Variants in PCDHB4 observed in about 807,000 individuals in gnomAD.
PCDHB4 encodes protocadherin beta-4.
For missense variants in PCDHB4, 1,063 were observed against 1,007.0 expected (o/e 1.06, Z -0.75); for synonymous variants, 482 against 447.3 (o/e 1.08, Z -0.98).
At position 141,122,768 on chromosome 5, in the gene PCDHB4, A is replaced by C; in HGVS notation, c.770A>C (p.Asp257Ala). ...CAGGTCCTGGAAAACAGCCCCCTAG[A>C]CTCTCCAATTGTTAGGGTCTTAGCT... ...GVQVLENSPL[D>A]SPIVRVLARD... The change falls in exon 1 of 1, where the codon GAC becomes GCC. Residue 257 changes from aspartate (D) to alanine (A), a missense_variant. By Grantham distance (126) the Asp-to-Ala change is moderately radical (BLOSUM62 -2). Transcript: ENST00000194152. 6.2e-7 allele frequency: 1 copy of C among 1,613,974 alleles called. No homozygotes were observed. The highest frequency in any genetic ancestry group is 8.5e-7 in the Non-Finnish European group (1 of 1,179,992).
chr5:141,121,878 A>G lies in PCDHB4; in HGVS notation c.-121A>G, dbSNP rs782476319. 1 of 689,870 alleles carries G rather than the reference A, an allele frequency of 1.4e-6. No homozygotes were observed. Among genetic ancestry groups the G allele is most frequent in the Non-Finnish European group, 2.4e-6 (1 of 410,718 alleles). 42.7% of individuals were successfully genotyped at this position (689,870 alleles called of 1,614,324 possible). A position where few individuals can be genotyped will look rare whatever the true frequency, so the allele number is the denominator to read the frequency against. The stretch of plus-strand genomic sequence containing the variant: ...CAACGGCTTGGGGCAGCGATATACT[A>G]AACAAATTTAATATTAAAAGCAACT... On this transcript the variant is annotated 5_prime_UTR_variant, in exon 1 of 1. Coordinates refer to ENST00000194152, the MANE Select transcript of PCDHB4 (RefSeq NM_018938.4).
At position 141,124,035 on chromosome 5, in the gene PCDHB4, G is replaced by A. The variant is rs782347727; in HGVS notation, c.2037G>A (p.Gln679=). ...CTCTCCCTGAGGCGGCCCCGGCCCA[G>A]GCCCAGGCCGACTCTCTCACCGTCT... The part of the protein sequence containing the change: ...YLPLPEAAPA[Q]AQADSLTVYL... Residue 679 remains glutamine (Q), a synonymous_variant, in exon 1 of 1, where the codon CAG becomes CAA. Transcript: ENST00000194152. The A allele has an allele frequency of 1.6e-5, 26 of 1,606,092 alleles. No homozygotes were observed. Among genetic ancestry groups the A allele is most frequent in the African/African-American group, 1.3e-4 (10 of 74,884 alleles).
chr5:141,125,233 G>C lies in PCDHB4; in HGVS notation c.*847G>C, dbSNP rs1392978683. ...ATTTCTCCCCAAAATCAAGACTCTTGAGAGCATCATAGGTCTCCTTGTGCT... is the reference window on the plus strand; with the variant it reads ...ATTTCTCCCCAAAATCAAGACTCTTCAGAGCATCATAGGTCTCCTTGTGCT... On this transcript the variant is annotated 3_prime_UTR_variant, in exon 1 of 1. Coordinates refer to ENST00000194152, the MANE Select transcript of PCDHB4 (RefSeq NM_018938.4). 6.6e-6 allele frequency: 1 copy of C among 151,956 alleles called. No individual in the cohort carries two copies. Among genetic ancestry groups the C allele is most frequent in the Non-Finnish European group, 1.5e-5 (1 of 67,986 alleles). 9.4% of individuals were successfully genotyped at this position (151,956 alleles called of 1,614,324 possible).
At position 141,121,907 on chromosome 5, in the gene PCDHB4, TGAC is replaced by T; in HGVS notation, c.-89_-87del. The T allele has an allele frequency of 2.3e-6, 2 of 885,732 alleles. No individual in the cohort carries two copies. The highest frequency in any genetic ancestry group is 3.5e-6 in the Non-Finnish European group (2 of 576,152). The allele number at this position is 885,732 out of a possible 1,614,324, so 54.9% of individuals were successfully genotyped here. On this transcript the variant is annotated 5_prime_UTR_variant, in exon 1 of 1. Transcript: ENST00000194152. ...AAATTTAATATTAAAAGCAACTGTG[TGAC>T]GATTCCTCCAAGCAAGAAATTGGAA...
chr5:141,123,456 C>T lies in PCDHB4; in HGVS notation c.1458C>T (p.Thr486=). ...DRDSGTNAQV[T]YSLLPPQDPH... is the part of the protein sequence containing the mutation. The stretch of plus-strand genomic sequence containing the variant: ...ACTCGGGCACCAACGCCCAGGTCAC[C>T]TACTCGCTGCTGCCGCCCCAGGACC... Residue 486 remains threonine, a synonymous_variant, in exon 1 of 1, where the codon ACC becomes ACT. Transcript: ENST00000194152. 6.2e-7 allele frequency: 1 copy of T among 1,613,044 alleles called. No individual in the cohort carries two copies.
rs142122458 is a variant in PCDHB4, at chr5:141,122,674, A to G, written c.676A>G (p.Met226Val). 26 of 1,614,214 alleles carry G rather than the reference A, an allele frequency of 1.6e-5. No homozygotes were observed. The highest frequency in any genetic ancestry group is 2.1e-5 in the Non-Finnish European group (25 of 1,180,034). Residue 226 changes from methionine (M) to valine (V), a missense_variant, in exon 1 of 1, where the codon ATG (methionine) becomes GTG (valine). By Grantham distance (21) the Met-to-Val change is conservative. Transcript: ENST00000194152. The stretch of plus-strand genomic sequence containing the variant: ...GTCACCACCTAGGTCTGGCACGGTC[A>G]TGGTTCGAATCCTGATCATGGACAT... The part of the protein sequence containing the change: ...GGSPPRSGTV[M>V]VRILIMDIND...
At position 141,123,028 on chromosome 5, in the gene PCDHB4, C is replaced by G; in HGVS notation, c.1030C>G (p.Pro344Ala). Residue 344 changes from proline to alanine, a missense_variant, in exon 1 of 1, where the codon CCA (proline) becomes GCA (alanine). Physicochemically the swap from Pro to Ala is conservative, Grantham distance 27. Coordinates refer to ENST00000194152, the MANE Select transcript of PCDHB4 (RefSeq NM_018938.4). ...IEVVDVNDNP[P>A]ELIISSLTSS... ...GGTGGTGGATGTGAATGACAATCCCCCAGAACTTATCATATCTTCACTCAC... is the reference window on the plus strand; with the variant it reads ...GGTGGTGGATGTGAATGACAATCCCGCAGAACTTATCATATCTTCACTCAC... 6.2e-7 allele frequency: 1 copy of G among 1,614,008 alleles called. No homozygotes were observed. The highest frequency in any genetic ancestry group is 8.5e-7 in the Non-Finnish European group (1 of 1,179,992).
rs782220155 is a variant in PCDHB4 at position 141,122,068 on chromosome 5, C to T, written c.70C>T (p.Gln24Ter). 11 of 1,613,806 alleles carry T rather than the reference C, an allele frequency of 6.8e-6. No homozygotes were observed. The South Asian group carries it at 1.2e-4, about 18-fold the overall frequency. Reference protein sequence around the residue: ...LAFILMVFLSQVRLEPIRYSV... With the variant: ...LAFILMVFLS Reference sequence around the variant, plus strand: ...CTTTATTTTGATGGTGTTCTTGTCTCAGGTTCGCCTCGAGCCTATTCGTTA... The same window carrying T: ...CTTTATTTTGATGGTGTTCTTGTCTTAGGTTCGCCTCGAGCCTATTCGTTA... Residue 24 changes from glutamine (Q) to a stop codon, truncating the protein, a stop_gained, in exon 1 of 1, where the codon CAG becomes TAG. Transcript: ENST00000194152. LOFTEE classifies it low-confidence loss of function (END_TRUNC).
chr5:141,121,953 C>T lies in PCDHB4; in HGVS notation c.-46C>T, dbSNP rs1588315498. 1 of 1,325,774 alleles carries T rather than the reference C, an allele frequency of 7.5e-7. No homozygotes were observed. Among genetic ancestry groups the T allele is most frequent in the Non-Finnish European group, 1.0e-6 (1 of 961,076 alleles). 82.1% of individuals were successfully genotyped at this position (1,325,774 alleles called of 1,614,324 possible). A position where few individuals can be genotyped will look rare whatever the true frequency, so the allele number is the denominator to read the frequency against. On this transcript the variant is annotated 5_prime_UTR_variant, in exon 1 of 1. Coordinates refer to ENST00000194152, the MANE Select transcript of PCDHB4 (RefSeq NM_018938.4). ...AATTGGAATTGAATGTCTCAAGTCT[C>T]GTTGCGGTTGCTGAGGGGATTGGAT...
At position 141,122,077 on chromosome 5, in the gene PCDHB4, C is replaced by A; in HGVS notation, c.79C>A (p.Leu27Ile). Residue 27 changes from leucine to isoleucine, a missense_variant, in exon 1 of 1, where the codon CTC becomes ATC. By Grantham distance (5) the Leu-to-Ile change is conservative (BLOSUM62 2). Coordinates refer to ENST00000194152, the MANE Select transcript of PCDHB4 (RefSeq NM_018938.4). The stretch of plus-strand genomic sequence containing the variant: ...GATGGTGTTCTTGTCTCAGGTTCGC[C>A]TCGAGCCTATTCGTTATTCTGTGTT... ...ILMVFLSQVR[L>I]EPIRYSVLEE... The A allele has an allele frequency of 6.2e-7, 1 of 1,614,118 alleles. No homozygotes were observed. The highest frequency in any genetic ancestry group is 8.5e-7 in the Non-Finnish European group (1 of 1,180,006).
At position 141,123,146 on chromosome 5, in the gene PCDHB4, C is replaced by G; in HGVS notation, c.1148C>G (p.Ser383Cys). The G allele has an allele frequency of 6.2e-7, 1 of 1,614,118 alleles. No homozygotes were observed. The highest frequency in any genetic ancestry group is 1.3e-5 in the African/African-American group (1 of 75,034). The change falls in exon 1 of 1, where the codon TCT (serine) becomes TGT (cysteine). Residue 383 changes from serine (S) to cysteine (C), a missense_variant. Coordinates refer to ENST00000194152, the MANE Select transcript of PCDHB4 (RefSeq NM_018938.4). ...GGAGAAAATGGAAAGATGATTTGCT[C>G]TATTCCAGATAATCTACCGTTTATT... ...DSGENGKMICSIPDNLPFILK... is the reference protein window; with the variant it reads ...DSGENGKMICCIPDNLPFILK...
At position 141,124,327 on chromosome 5, in the gene PCDHB4, G is replaced by C; in HGVS notation, c.2329G>C (p.Asp777His). Residue 777 changes from aspartate (D) to histidine (H), a missense_variant, in exon 1 of 1, where the codon GAC (aspartate) becomes CAC (histidine). Physicochemically the swap from Asp to His is moderately conservative, Grantham distance 81. Transcript: ENST00000194152. ...AATATTTCCTAATCTCTTGGTTCAG[G>C]ACACCGGGAGGGAAGTTAAGGAAAA... ...KPIFPNLLVQ[D>H]TGREVKENPK... 1 of 1,614,004 alleles carries C rather than the reference G, an allele frequency of 6.2e-7. No individual in the cohort carries two copies. Among genetic ancestry groups the C allele is most frequent in the Non-Finnish European group, 8.5e-7 (1 of 1,179,966 alleles).
In PCDHB4 at chr5:141,123,916, G is replaced by A; in HGVS notation, c.1918G>A (p.Val640Met). The A allele has an allele frequency of 1.9e-6, 3 of 1,605,868 alleles. No individual in the cohort carries two copies. The highest frequency in any genetic ancestry group is 1.7e-5 in the Admixed American group (1 of 60,002). ...SERDAAKHRL[V>M]VLVKDNGEPP... is the part of the protein sequence containing the mutation. Reference sequence around the variant, plus strand: ...GCGCGACGCAGCCAAGCACAGGCTCGTGGTGCTTGTCAAGGACAATGGCGA... The same window carrying A: ...GCGCGACGCAGCCAAGCACAGGCTCATGGTGCTTGTCAAGGACAATGGCGA... The change falls in exon 1 of 1, where the codon GTG becomes ATG. Residue 640 changes from valine to methionine, a missense_variant. Val to Met is a conservative substitution (Grantham distance 21). Coordinates refer to ENST00000194152, the MANE Select transcript of PCDHB4 (RefSeq NM_018938.4).
In PCDHB4 at chr5:141,124,533, C is replaced by G. The variant is rs1209907308; in HGVS notation, c.*147C>G. On this transcript the variant is annotated 3_prime_UTR_variant, in exon 1 of 1. Transcript: ENST00000194152. ...GTCCCTGATAAAGCTAAATTTGTCC[C>G]TTTTTTATTGTTATTAATTGCACTT... 11 of 683,234 alleles carry G rather than the reference C, an allele frequency of 1.6e-5. No homozygotes were observed. The highest frequency in any genetic ancestry group is 3.4e-5 in the Admixed American group (1 of 29,282). The allele number at this position is 683,234 out of a possible 1,614,324, so 42.3% of individuals were successfully genotyped here. A position where few individuals can be genotyped will look rare whatever the true frequency, so the allele number is the denominator to read the frequency against.
Position 141,122,700 on chromosome 5 carries a change from C to A in PCDHB4, c.702C>A (p.Ile234=). ...TGGTTCGAATCCTGATCATGGACATCAATGACAATGCTCCTGAGTTTGTGC... is the reference window on the plus strand; with the variant it reads ...TGGTTCGAATCCTGATCATGGACATAAATGACAATGCTCCTGAGTTTGTGC... ...TVMVRILIMD[I]NDNAPEFVHT... The change falls in exon 1 of 1, where the codon ATC becomes ATA. Residue 234 remains isoleucine (I), a synonymous_variant. Transcript: ENST00000194152. 1 of 1,614,142 alleles carries A rather than the reference C, an allele frequency of 6.2e-7. No individual in the cohort carries two copies. Among genetic ancestry groups the A allele is most frequent in the South Asian group, 1.1e-5 (1 of 91,066 alleles).
chr5:141,123,761 T>G lies in PCDHB4; in HGVS notation c.1763T>G (p.Val588Gly), dbSNP rs1563858900. ...GAGCCGGGCTACCTGGTGACCAAGG[T>G]GGTGGCGGTGGACGGCGACTCGGGC... is the stretch of plus-strand genomic sequence containing the variant. Reference protein sequence around the residue: ...AAEPGYLVTKVVAVDGDSGQN... With the variant: ...AAEPGYLVTKGVAVDGDSGQN... The change falls in exon 1 of 1, where the codon GTG (valine) becomes GGG (glycine). Residue 588 changes from valine (V) to glycine (G), a missense_variant. Transcript: ENST00000194152. 1 of 1,610,324 alleles carries G rather than the reference T, an allele frequency of 6.2e-7. No individual in the cohort carries two copies. Among genetic ancestry groups the G allele is most frequent in the Non-Finnish European group, 8.5e-7 (1 of 1,179,654 alleles).
chr5:141,123,295 C>A lies in PCDHB4; in HGVS notation c.1297C>A (p.Gln433Lys), dbSNP rs559824378. Residue 433 changes from glutamine to lysine, a missense_variant, in exon 1 of 1, where the codon CAG becomes AAG. Transcript: ENST00000194152. ...TDLGTPRLKT[Q>K]QNITVQVSDV... ...CTTGGGGACACCCAGGCTGAAAACC[C>A]AGCAGAACATAACCGTGCAGGTCTC... 6.2e-7 allele frequency: 1 copy of A among 1,614,166 alleles called. No homozygotes were observed. The highest frequency in any genetic ancestry group is 1.7e-5 in the Admixed American group (1 of 60,026).
rs782486960 is a variant in PCDHB4 at position 141,123,732 on chromosome 5, G to A, written c.1734G>A (p.Ala578=). 1.1e-5 allele frequency: 18 copies of A among 1,610,198 alleles called. No homozygotes were observed. Among genetic ancestry groups the A allele is most frequent in the Admixed American group, 1.7e-5 (1 of 59,956 alleles). ...SAPCTELVPR[A]AEPGYLVTKV... ...CCTGCACCGAGCTGGTGCCCCGGGCGGCCGAGCCGGGCTACCTGGTGACCA... is the reference window on the plus strand; with the variant it reads ...CCTGCACCGAGCTGGTGCCCCGGGCAGCCGAGCCGGGCTACCTGGTGACCA... Residue 578 remains alanine, a synonymous_variant, in exon 1 of 1, where the codon GCG becomes GCA. Coordinates refer to ENST00000194152, the MANE Select transcript of PCDHB4 (RefSeq NM_018938.4).
In PCDHB4 at chr5:141,123,111, T is replaced by C. The variant is rs1554274478; in HGVS notation, c.1113T>C (p.Asp371=). 7.4e-6 allele frequency: 12 copies of C among 1,613,884 alleles called. No individual in the cohort carries two copies. Among genetic ancestry groups the C allele is most frequent in the Admixed American group, 3.3e-5 (2 of 59,980 alleles). The change falls in exon 1 of 1, where the codon GAT becomes GAC. Residue 371 remains aspartate, a synonymous_variant. Transcript: ENST00000194152. ...TAGTCTCTATCTTCCGAATTCGAGA[T>C]AGAGATTCCGGAGAAAATGGAAAGA... ...ETVVSIFRIR[D]RDSGENGKMI...
Sources: allele counts gnomAD v4.1 joint callset, GRCh38; gene constraint gnomAD v4.1.1; transcripts MANE v1.5; gene names NCBI Gene and HGNC (gene_info 2026-07-23, HGNC 2026-07-21).